The following SLC9B1 variants were observed in gnomAD, a reference collection of about 807,000 sequenced individuals.
SLC9B1 encodes the protein solute carrier family 9 member B1.
In SLC9B1, 32 loss-of-function variants were observed where a neutral mutation model predicts 51.7. That is an observed-to-expected ratio of 0.62 (90% CI 0.47 to 0.83). The LOEUF (loss-of-function observed/expected upper bound fraction) is 0.83. Ranked by LOEUF, SLC9B1 falls within the 40% of genes least tolerant of loss-of-function variation. The pLI is 0.00. For missense variants in SLC9B1, 406 were observed against 613.2 expected, an observed-to-expected ratio of 0.66 and a Z score of 3.57; for synonymous variants, 145 against 212.7, an observed-to-expected ratio of 0.68 and a Z score of 2.77.
At chr4:102,904,062 CTTT>C (rs752774697) in intron 11 of SLC9B1, among the ~76,000 whole-genome samples, 1 of 144,694 alleles carries the variant, frequency 6.9e-6, no homozygotes. Context: ...TTTTACTTTA[CTTT>C]TTTTTTTTTT....
chr4:103,013,212 T>C (rs778986737), intron 1 of SLC9B1, among the ~76,000 whole-genome samples: 1 of 152,228 alleles, frequency 6.6e-6, no homozygotes, highest in Non-Finnish European at 1.5e-5. Flanking sequence ...TCAGTCAAAC[T>C]GTTAACTGCA....
chr4:102,962,862 T>C (rs866331704), intron 3 of SLC9B1: 3 of 471,888 alleles, frequency 6.4e-6, no homozygotes, highest in African/African-American at 6.0e-5. Context: ...GGTATCAATG[T>C]GATCAACCAG....
chr4:102,951,960 CTTTT>C (rs765709645), intron 3 of SLC9B1, among the ~76,000 whole-genome samples: 2 of 6,554 alleles, frequency 3.1e-4, no homozygotes, highest in Admixed American at 2.5e-3. Context: ...AAAATAAAAT[CTTTT>C]TTTTTTTTTT....
Position 102,932,163 on chromosome 4 carries a change from T to C in SLC9B1, c.790A>G (p.Thr264Ala). Residue 264 changes from threonine (T) to alanine (A), a missense_variant, in exon 7 of 12, where the codon ACT becomes GCT. By Grantham distance (58) the Thr-to-Ala change is moderately conservative. Coordinates refer to ENST00000296422, the MANE Select transcript of SLC9B1 (RefSeq NM_139173.4). ...ATGCTCAAGCATGTATTGAATCCAG[T>C]GATAGCCAGAATGTCATCCATACTG... Reference protein sequence around the residue: ...ASSMDDILAITGFNTCLSIVF... With the variant: ...ASSMDDILAIAGFNTCLSIVF... 1 of 1,611,974 alleles carries C rather than the reference T, an allele frequency of 6.2e-7. No homozygotes were observed.
chr4:102,969,247 CCT>C (rs1738609964), intron 3 of SLC9B1, among the ~76,000 whole-genome samples: 1 of 152,186 alleles, frequency 6.6e-6, no homozygotes, highest in South Asian at 2.1e-4. Flanking sequence ...CTGACTGACA[CCT>C]CATATAGCCG....
chr4:103,016,976 T>C (rs1741398426), intron 1 of SLC9B1: 2 of 152,174 alleles, frequency 1.3e-5, no homozygotes, highest in African/African-American at 4.8e-5. Context: ...TCAAATTACC[T>C]TTGATTTCTA....
At chr4:102,897,620 T>C (rs944366281), downstream of SLC9B1, 15 of 323,440 alleles carry the variant, frequency 4.6e-5, no homozygotes, top group Admixed American at 1.5e-4. Flanking sequence ...AGTATTCTCC[T>C]AGCCAAACTG....
chr4:102,899,120 TA>T (rs1282260216), downstream of SLC9B1, among the ~76,000 whole-genome samples: 5 of 150,722 alleles, frequency 3.3e-5, no homozygotes, highest in African/African-American at 9.7e-5. Context: ...TAAATTTTTA[TA>T]AAAACTTTTT....
intron 11 of SLC9B1, chr4:102,887,287 T>C: frequency 9.6e-7 from 1 of 1,038,626 alleles, no homozygotes; most frequent in Non-Finnish European, 1.5e-6. Context: ...CAAATGTTTC[T>C]ACCTAATGAA....
chr4:102,950,438 G>A (rs1737490362), intron 3 of SLC9B1, among the ~76,000 whole-genome samples: 1 of 152,048 alleles, frequency 6.6e-6, no homozygotes, highest in Non-Finnish European at 1.5e-5. Context: ...ACAATAACAT[G>A]GTAAATTTCC....
intron 7 of SLC9B1, among the ~76,000 whole-genome samples, chr4:102,927,025 G>C (rs6843807): frequency 0.016 from 2,468 of 152,304 alleles, 66 homozygotes; most frequent in African/African-American, 0.053. Context: ...AATAAATGAT[G>C]CTGGGAAAAC....
intron 9 of SLC9B1, among the ~76,000 whole-genome samples, chr4:102,907,709 G>A (rs1251954169): frequency 1.2e-4 from 18 of 151,918 alleles, no homozygotes; most frequent in African/African-American, 3.9e-4. Context: ...AGATACATAA[G>A]AACTTTGATG....
chr4:103,011,519 G>A (rs1050853198), intron 1 of SLC9B1, among the ~76,000 whole-genome samples: 2 of 152,088 alleles, frequency 1.3e-5, no homozygotes, highest in Non-Finnish European at 1.5e-5. Context: ...GGCTCTCTGC[G>A]GTATCCCTGA....
intron 1 of SLC9B1, among the ~76,000 whole-genome samples, chr4:103,012,366 C>G (rs997881101): frequency 1.3e-5 from 2 of 152,178 alleles, no homozygotes; most frequent in Non-Finnish European, 2.9e-5. Flanking sequence ...TCAGAATGGT[C>G]TTTACTCTCC....
chr4:102,977,778 T>C (rs940373622), intron 3 of SLC9B1, among the ~76,000 whole-genome samples: 7 of 152,206 alleles, frequency 4.6e-5, no homozygotes, highest in African/African-American at 1.7e-4. Flanking sequence ...ATATATAGTC[T>C]ATGAGAAGTT....
rs553466053 is a variant in SLC9B1 at position 102,926,997 on chromosome 4, G to A, written c.829+5127C>T. On this transcript the variant is annotated intron_variant, in intron 7 of 11. Transcript: ENST00000296422. ...CAAAACTGAGAAAAACAAGAAATGG[G>A]GAAAGGATTGCCTATTTAATAAATG... Among the ~76,000 whole-genome samples, 400 of 152,194 alleles carry A rather than the reference G, an allele frequency of 2.6e-3. 1 individual carries two copies. Among genetic ancestry groups the A allele is most frequent in the Middle Eastern group, 6.8e-3 (2 of 294 alleles).
intron 3 of SLC9B1, among the ~76,000 whole-genome samples, chr4:102,982,374 G>A (rs551305476): frequency 2.0e-5 from 3 of 152,006 alleles, no homozygotes; most frequent in Admixed American, 1.3e-4. Context: ...TCAATGTCGA[G>A]TTGGCTTTTC....
intron 7 of SLC9B1, among the ~76,000 whole-genome samples, chr4:102,913,697 C>T (rs995003875): frequency 2.0e-5 from 3 of 150,108 alleles, no homozygotes; most frequent in Admixed American, 6.7e-5. Context: ...TCCAAATTAA[C>T]TCTCTTAATG....
At chr4:102,992,934 G>T (rs1277681941) in intron 1 of SLC9B1, among the ~76,000 whole-genome samples, 1 of 152,138 alleles carries the variant, frequency 6.6e-6, no homozygotes, top group Admixed American at 6.6e-5. Context: ...AGTGCAAGTA[G>T]GGGAAATGCC....
Sources: gnomAD v4.1 joint callset for allele counts (sites outside exome capture counted in the v4.1 genomes callset) on GRCh38, gnomAD v4.1.1 for gene constraint, MANE v1.5 for transcripts, NCBI Gene and HGNC (gene_info 2026-07-23, HGNC 2026-07-21) for gene names.